Variants in CFAP221 observed in about 807,000 individuals in gnomAD.
CFAP221 encodes cilia- and flagella-associated protein 221.
Under a neutral mutation model 113.1 loss-of-function variants are expected in CFAP221, and 97 were observed. The observed-to-expected ratio is 0.86, with a 90% CI of 0.73 to 1.02. The LOEUF is 1.02. Ranked by LOEUF, CFAP221 falls within the 50% of genes least tolerant of loss-of-function variation. The pLI is 0.00. For synonymous variants in CFAP221, 331 were observed against 354.4 expected, an observed-to-expected ratio of 0.93 and a Z score of 0.74; for missense variants, 1,025 against 1,013.4, an observed-to-expected ratio of 1.01 and a Z score of -0.16.
At chr2:119,631,191 AT>A in intron 19 of CFAP221, 1 of 686,062 alleles carries the variant, frequency 1.5e-6, no homozygotes, top group Non-Finnish European at 1.9e-6. Context: ...ATTAGCAAGT[AT>A]TTTTAAGTGA....
At chr2:119,605,734 G>A (rs960950812) in intron 11 of CFAP221, among the ~76,000 whole-genome samples, 1 of 152,144 alleles carries the variant, frequency 6.6e-6, no homozygotes, top group Non-Finnish European at 1.5e-5. Flanking sequence ...GAGAATTCTT[G>A]TGCTTCTGTG....
chr2:119,558,783 C>T (rs2104531950), intron 3 of CFAP221, among the ~76,000 whole-genome samples: 1 of 152,268 alleles, frequency 6.6e-6, no homozygotes, highest in Admixed American at 6.5e-5. Flanking sequence ...GATTGTGCCA[C>T]TGCACTGCAG....
chr2:119,603,128 A>G (rs991514889), intron 8 of CFAP221, among the ~76,000 whole-genome samples: 2 of 152,194 alleles, frequency 1.3e-5, no homozygotes, highest in Non-Finnish European at 2.9e-5. Flanking sequence ...AAATTTTCAT[A>G]GATTGCTTTC....
intron 23 of CFAP221, among the ~76,000 whole-genome samples, chr2:119,652,619 A>C (rs1469324554): frequency 6.6e-6 from 1 of 152,246 alleles, no homozygotes; most frequent in Non-Finnish European, 1.5e-5. Flanking sequence ...CTAACTAGCC[A>C]AGCAAGCATC....
intron 19 of CFAP221, among the ~76,000 whole-genome samples, chr2:119,637,229 C>G (rs1220328104): frequency 6.6e-6 from 1 of 152,160 alleles, no homozygotes; most frequent in African/African-American, 2.4e-5. Flanking sequence ...AGGAGTTGAG[C>G]CCAGAGCCCT....
chr2:119,590,792 G>A (rs1438382818), intron 7 of CFAP221, among the ~76,000 whole-genome samples: 1 of 152,170 alleles, frequency 6.6e-6, no homozygotes, highest in Non-Finnish European at 1.5e-5. Context: ...AAAATAATGA[G>A]GGGAGGTTTC....
chr2:119,597,565 T>C (rs900559946), intron 7 of CFAP221, among the ~76,000 whole-genome samples: 2 of 152,162 alleles, frequency 1.3e-5, no homozygotes, highest in Admixed American at 6.5e-5. Flanking sequence ...ATGTTACCAG[T>C]AGAGGGTGTC....
intron 14 of CFAP221, among the ~76,000 whole-genome samples, chr2:119,618,540 A>G (rs1441103070): frequency 1.3e-5 from 2 of 152,122 alleles, no homozygotes; most frequent in East Asian, 3.9e-4. Flanking sequence ...GCCATGAGGA[A>G]CAGTGCACTC....
intron 3 of CFAP221, among the ~76,000 whole-genome samples, chr2:119,556,671 G>A (rs1400249127): frequency 6.6e-6 from 1 of 151,386 alleles, no homozygotes; most frequent in African/African-American, 2.4e-5. Context: ...TCCTGCCTCA[G>A]CCTCCCGAGT....
intron 6 of CFAP221, chr2:119,580,042 G>A (rs1682735754): frequency 6.6e-6 from 1 of 152,186 alleles, no homozygotes; most frequent in South Asian, 2.1e-4. Flanking sequence ...CTGAGGGTCA[G>A]AAATACCTCA....
rs749135462 is a variant in CFAP221, at chr2:119,656,296, G to C, written c.2415-66G>C. On this transcript the variant is annotated intron_variant, in intron 23 of 23. Transcript: ENST00000413369. Reference sequence around the variant, plus strand: ...TCCGACCTTCACCAGCACTGCTGGCGGGGGGTGATTTGCGTGGTTTTATTA... The same window carrying C: ...TCCGACCTTCACCAGCACTGCTGGCCGGGGGTGATTTGCGTGGTTTTATTA... 1.6e-4 allele frequency: 206 copies of C among 1,271,646 alleles called. 1 individual carries two copies. The Middle Eastern group carries it at 5.0e-3, about 31-fold the overall frequency. 78.8% of individuals were successfully genotyped at this position (1,271,646 alleles called of 1,614,324 possible).
chr2:119,591,758 G>T (rs1683614716), intron 7 of CFAP221, among the ~76,000 whole-genome samples: 2 of 152,192 alleles, frequency 1.3e-5, no homozygotes, highest in Non-Finnish European at 2.9e-5. Context: ...GTTTGGCTCA[G>T]CCTCTCACCC....
At chr2:119,563,851 C>A (rs1304216195) in intron 6 of CFAP221, among the ~76,000 whole-genome samples, 1 of 152,114 alleles carries the variant, frequency 6.6e-6, no homozygotes, top group Non-Finnish European at 1.5e-5. Flanking sequence ...CCAAGGATGC[C>A]ATGGGCTGGG....
At chr2:119,652,215 G>A (rs1688171513) in intron 23 of CFAP221, 146 bp downstream of exon 23, 1 of 542,484 alleles carries the variant, frequency 1.8e-6, no homozygotes, top group South Asian at 3.7e-5. Context: ...ATTTAGATGT[G>A]TATTTTATTT....
At chr2:119,582,387 T>C (rs1223535943) in intron 6 of CFAP221, among the ~76,000 whole-genome samples, 1 of 151,958 alleles carries the variant, frequency 6.6e-6, no homozygotes, top group African/African-American at 2.4e-5. Flanking sequence ...CTGACCACAC[T>C]GTATTTGGGA....
At chr2:119,592,248 A>G (rs1683648937) in intron 7 of CFAP221, among the ~76,000 whole-genome samples, 1 of 152,226 alleles carries the variant, frequency 6.6e-6, no homozygotes, top group Admixed American at 6.5e-5. Context: ...ACTGAAGAAA[A>G]ACAAGTGAAG....
At position 119,630,554 on chromosome 2, in the gene CFAP221, C is replaced by G; in HGVS notation, c.1732-16C>G. ...TAACAGGTTTTTAAGGATTTTCAAT[C>G]TTCTTTCACCTTCAGGTTCCTCAAC... On this transcript the variant is annotated splice_polypyrimidine_tract_variant and intron_variant, in intron 17 of 23. Coordinates refer to ENST00000413369, the MANE Select transcript of CFAP221 (RefSeq NM_001271049.2). The G allele has an allele frequency of 6.4e-7, 1 of 1,566,690 alleles. No individual in the cohort carries two copies. The highest frequency in any genetic ancestry group is 8.8e-7 in the Non-Finnish European group (1 of 1,139,636).
At chr2:119,555,505 G>A (rs544791646) in intron 3 of CFAP221, among the ~76,000 whole-genome samples, 201 of 152,180 alleles carry the variant, frequency 1.3e-3, no homozygotes, top group Non-Finnish European at 2.2e-3. Context: ...TTTTTCCTTT[G>A]AATGATTATT....
chr2:119,648,883 G>A (rs1488770995), intron 22 of CFAP221, among the ~76,000 whole-genome samples: 1 of 152,166 alleles, frequency 6.6e-6, no homozygotes, highest in Non-Finnish European at 1.5e-5. Context: ...TTAGACTGGC[G>A]TGAAGTACTG....
Sources: allele counts gnomAD v4.1 joint callset (sites outside exome capture counted in the v4.1 genomes callset), GRCh38; gene constraint gnomAD v4.1.1; transcripts MANE v1.5; gene names NCBI Gene and HGNC (gene_info 2026-07-23, HGNC 2026-07-21).